The following KCNQ1 variants were observed in gnomAD, a reference collection of about 807,000 sequenced individuals.
KCNQ1 encodes potassium voltage-gated channel subfamily Q member 1.
Under a neutral mutation model 72.4 loss-of-function variants are expected in KCNQ1, and 49 were observed. The observed-to-expected ratio is 0.68, with a 90% CI of 0.54 to 0.86. The LOEUF (loss-of-function observed/expected upper bound fraction) is 0.86, where lower values mean the gene tolerates loss of function less well. Ranked by LOEUF, KCNQ1 falls within the 40% of genes least tolerant of loss-of-function variation. The probability of loss-of-function intolerance (pLI) is 0.00; values close to 1 mark genes in which losing one functional copy is unlikely to be tolerated. For missense variants in KCNQ1, 790 were observed against 945.1 expected (o/e 0.84, Z 2.15); for synonymous variants, 450 against 412.6 (o/e 1.09, Z -1.10).
At position 2,671,010 on chromosome 11, in the gene KCNQ1, T is replaced by G; in HGVS notation, c.1514+8929T>G. 1 of 398,594 alleles carries G rather than the reference T, an allele frequency of 2.5e-6. No homozygotes were observed. Among genetic ancestry groups the G allele is most frequent in the Non-Finnish European group, 4.4e-6 (1 of 226,074 alleles). The allele number at this position is 398,594 out of a possible 1,614,324, so 24.7% of individuals were successfully genotyped here. ...CATGCTTTAGATATGTGGGCCCTGT[T>G]AGGGACAACGTAGGTGTCCTGGGCA... On this transcript the variant is annotated intron_variant, in intron 11 of 15. Coordinates refer to ENST00000155840, the MANE Select transcript of KCNQ1 (RefSeq NM_000218.3). The surrounding 1 kb of genome is among the most constrained non-coding windows in gnomAD (Gnocchi z 4.7).
In KCNQ1 at chr11:2,630,190, CTT is replaced by C. The variant is rs544359388; in HGVS notation, c.1394-31769_1394-31768del. ...ATCAAAATGATTGTATGATTTTTATCTTTGATTTTATTAAAGTATCCCATTTC... is the reference window on the plus strand; with the variant it reads ...ATCAAAATGATTGTATGATTTTTATCTGATTTTATTAAAGTATCCCATTTC... On this transcript the variant is annotated intron_variant, in intron 10 of 15. Coordinates refer to ENST00000155840, the MANE Select transcript of KCNQ1 (RefSeq NM_000218.3). 1.0e-4 allele frequency: 41 copies of C among 398,154 alleles called. No individual in the cohort carries two copies. In the South Asian group the frequency reaches 4.2e-3, roughly 41 times the overall value. The allele number at this position is 398,154 out of a possible 1,614,324, so 24.7% of individuals were successfully genotyped here.
intron 10 of KCNQ1, chr11:2,639,438 C>A (rs183283246): frequency 6.6e-6 from 1 of 152,218 alleles, no homozygotes; most frequent in Non-Finnish European, 1.5e-5. Context: ...ACAGTCAGGA[C>A]CCTCAGCTGC....
chr11:2,529,848 G>A (rs903964095), intron 2 of KCNQ1, among the ~76,000 whole-genome samples: 1 of 152,186 alleles, frequency 6.6e-6, no homozygotes, highest in Non-Finnish European at 1.5e-5. Context: ...TGCCAGGCGG[G>A]GGGTGCGCAC....
chr11:2,491,523 T>C lies in KCNQ1; in HGVS notation c.387-36405T>C, dbSNP rs1428633781. Reference sequence around the variant, plus strand: ...AGAATTAGTAAGCTTGAAGACAGGATATTTGTAAATACACAGAGGAGACAG... The same window carrying C: ...AGAATTAGTAAGCTTGAAGACAGGACATTTGTAAATACACAGAGGAGACAG... On this transcript the variant is annotated intron_variant, in intron 1 of 15. Transcript: ENST00000155840. This position sits in a 1 kb window ranked among gnomAD's most constrained non-coding sequence, Gnocchi z 4.1. 6.6e-6 allele frequency among the ~76,000 whole-genome samples: 1 copy of C among 152,176 alleles called. No homozygotes were observed. Among genetic ancestry groups the C allele is most frequent in the African/African-American group, 2.4e-5 (1 of 41,426 alleles).
At chr11:2,736,763 C>A (rs1160063786) in intron 11 of KCNQ1, among the ~76,000 whole-genome samples, 1 of 152,256 alleles carries the variant, frequency 6.6e-6, no homozygotes, top group Admixed American at 6.5e-5. Context: ...TGCGGCTGCC[C>A]TGGTGGGTTC....
chr11:2,751,493 C>T (rs35321559), intron 11 of KCNQ1, among the ~76,000 whole-genome samples: 8,722 of 152,354 alleles, frequency 0.057, 435 homozygotes, highest in East Asian at 0.23. Context: ...GGACTTGCGT[C>T]TCAGTGCAGA....
intron 1 of KCNQ1, among the ~76,000 whole-genome samples, chr11:2,496,982 G>A (rs1846933915): frequency 6.6e-6 from 1 of 152,118 alleles, no homozygotes; most frequent in South Asian, 2.1e-4. Context: ...TATGAATGTT[G>A]AATATTGGCT....
In KCNQ1 at chr11:2,818,020, G is replaced by A. The variant is rs1847654738; in HGVS notation, c.1795-29747G>A. The stretch of plus-strand genomic sequence containing the variant: ...AATATTTTTCTCTTTTATCATTAAA[G>A]AATATGCATTAACACCTAAAACCCA... On this transcript the variant is annotated intron_variant, in intron 15 of 15. Transcript: ENST00000155840. The surrounding 1 kb of genome is among the most constrained non-coding windows in gnomAD (Gnocchi z 7.2). Among the ~76,000 whole-genome samples, 1 of 152,126 alleles carries A rather than the reference G, an allele frequency of 6.6e-6. No individual in the cohort carries two copies. Among genetic ancestry groups the A allele is most frequent in the Non-Finnish European group, 1.5e-5 (1 of 68,016 alleles).
At chr11:2,719,317 G>T (rs1332367048) in intron 11 of KCNQ1, among the ~76,000 whole-genome samples, 1 of 130,936 alleles carries the variant, frequency 7.6e-6, no homozygotes, top group African/African-American at 3.0e-5. Flanking sequence ...AGTATAACGA[G>T]ACTCTGTCTC....
Position 2,445,478 on chromosome 11 carries a change from T to G in KCNQ1, c.380T>G (p.Phe127Cys). 1 of 1,595,132 alleles carries G rather than the reference T, an allele frequency of 6.3e-7. No homozygotes were observed. Among genetic ancestry groups the G allele is most frequent in the Non-Finnish European group, 8.5e-7 (1 of 1,178,842 alleles). The change falls in exon 1 of 16, where the codon TTC (phenylalanine) becomes TGC (cysteine). Residue 127 changes from phenylalanine to cysteine, a missense_variant. This residue lies in a region of KCNQ1 where 294 missense variants were observed against 323.3 expected (regional missense o/e 0.91). Coordinates refer to ENST00000155840, the MANE Select transcript of KCNQ1 (RefSeq NM_000218.3). The part of the protein sequence containing the change: ...PTGWKCFVYH[F>C]AVFLIVLVCL... ...GGCTGGAAATGCTTCGTTTACCACTTCGCCGTGTGAGTATCGCCACCGGCG... is the reference window on the plus strand; with the variant it reads ...GGCTGGAAATGCTTCGTTTACCACTGCGCCGTGTGAGTATCGCCACCGGCG...
At chr11:2,811,039 AC>A in intron 15 of KCNQ1, among the ~76,000 whole-genome samples, 1 of 151,942 alleles carries the variant, frequency 6.6e-6, no homozygotes, top group Admixed American at 6.5e-5. Flanking sequence ...GCTTAGACTC[AC>A]CCCCGCCCAG....
rs1012755317 is a variant in KCNQ1, at chr11:2,766,804, A to G, written c.1515-2040A>G. Reference sequence around the variant, plus strand: ...GTAAGTTTTAGGATATTGATATGACATTACCTATTTCTTAGTCCTTATTTC... The same window carrying G: ...GTAAGTTTTAGGATATTGATATGACGTTACCTATTTCTTAGTCCTTATTTC... On this transcript the variant is annotated intron_variant, in intron 11 of 15. Coordinates refer to ENST00000155840, the MANE Select transcript of KCNQ1 (RefSeq NM_000218.3). The surrounding 1 kb of genome is among the most constrained non-coding windows in gnomAD (Gnocchi z 4.4). Among the ~76,000 whole-genome samples, 2 of 152,202 alleles carry G rather than the reference A, an allele frequency of 1.3e-5. No individual in the cohort carries two copies. The highest frequency in any genetic ancestry group is 2.9e-5 in the Non-Finnish European group (2 of 68,038).
rs1005688230 is a variant in KCNQ1 at position 2,602,263 on chromosome 11, C to T, written c.1393+13409C>T. 1.3e-5 allele frequency among the ~76,000 whole-genome samples: 2 copies of T among 151,448 alleles called. No homozygotes were observed. Among genetic ancestry groups the T allele is most frequent in the East Asian group, 3.9e-4 (2 of 5,126 alleles). ...CCTAAGACTCTTTTCAGACTTCTGG[C>T]CTCTAGAACTGTGAGAAAAAAAAAA... is the stretch of plus-strand genomic sequence containing the variant. On this transcript the variant is annotated intron_variant, in intron 10 of 15. Coordinates refer to ENST00000155840, the MANE Select transcript of KCNQ1 (RefSeq NM_000218.3). This position sits in a 1 kb window ranked among gnomAD's most constrained non-coding sequence, Gnocchi z 4.8.
intron 1 of KCNQ1, among the ~76,000 whole-genome samples, chr11:2,511,007 A>C (rs945339097): frequency 6.6e-6 from 1 of 151,902 alleles, no homozygotes; most frequent in Non-Finnish European, 1.5e-5. Flanking sequence ...TCTCCCCGAG[A>C]CGTCACCCTT....
chr11:2,821,272 C>G (rs928702757), intron 15 of KCNQ1, among the ~76,000 whole-genome samples: 1 of 152,170 alleles, frequency 6.6e-6, no homozygotes, highest in East Asian at 1.9e-4. Context: ...GCAGAGGCCC[C>G]GCGTGGGGCA....
intron 1 of KCNQ1, among the ~76,000 whole-genome samples, chr11:2,517,967 C>T (rs1012645142): frequency 6.6e-6 from 1 of 152,250 alleles, no homozygotes; most frequent in Admixed American, 6.5e-5. Flanking sequence ...AGGAAAAGAA[C>T]AGAGTCTAAG....
chr11:2,798,156 G>T (rs1847177622), intron 15 of KCNQ1, among the ~76,000 whole-genome samples: 1 of 152,146 alleles, frequency 6.6e-6, no homozygotes, highest in South Asian at 2.1e-4. Context: ...GCCCAAGCAA[G>T]CCTGCATGGT....
chr11:2,485,058 G>A (rs1260168276), intron 1 of KCNQ1, among the ~76,000 whole-genome samples: 1 of 152,110 alleles, frequency 6.6e-6, no homozygotes, highest in East Asian at 1.9e-4. Flanking sequence ...TGCACGGCGC[G>A]TCTTGTCTTC....
chr11:2,550,771 G>C lies in KCNQ1; in HGVS notation c.478-19857G>C, dbSNP rs1197520744. ...TCAGCCCAGGACCAGAGCGCAAATA[G>C]GGCTGGAGTCCCGAGTACAAGGCAT... On this transcript the variant is annotated intron_variant, in intron 2 of 15. Transcript: ENST00000155840. The surrounding 1 kb of genome is among the most constrained non-coding windows in gnomAD (Gnocchi z 6.0). Among the ~76,000 whole-genome samples the C allele has an allele frequency of 6.6e-6, 1 of 152,140 alleles. No homozygotes were observed. Among genetic ancestry groups the C allele is most frequent in the Non-Finnish European group, 1.5e-5 (1 of 68,008 alleles).
Sources: allele counts gnomAD v4.1 joint callset (sites outside exome capture counted in the v4.1 genomes callset), GRCh38; gene constraint gnomAD v4.1.1; regional missense constraint gnomAD v4.1.1; non-coding constraint Gnocchi (gnomAD v3.1); transcripts MANE v1.5; gene names NCBI Gene and HGNC (gene_info 2026-07-23, HGNC 2026-07-21).